The following DSE variants were observed in gnomAD, a reference collection of about 807,000 sequenced individuals.
The protein encoded by DSE is dermatan-sulfate epimerase.
DSE carries 36 observed loss-of-function variants against 84.4 expected under a neutral mutation model. That is an observed-to-expected ratio of 0.43 (90% CI 0.33 to 0.56). The LOEUF (loss-of-function observed/expected upper bound fraction) is 0.56. DSE is among the 20% of genes least tolerant of loss of function. The pLI, the probability that DSE is intolerant of heterozygous loss-of-function variation, is 0.06. For missense variants in DSE, 862 were observed against 1,169.6 expected (o/e 0.74, Z 3.84); for synonymous variants, 410 against 430.1 (o/e 0.95, Z 0.58).
At chr6:116,401,578 A>G (rs1176436864) in intron 2 of DSE, among the ~76,000 whole-genome samples, 2 of 152,134 alleles carry the variant, frequency 1.3e-5, no homozygotes, top group African/African-American at 4.8e-5. Context: ...GGCAGGTACT[A>G]TTATTAAGTT....
intron 2 of DSE, among the ~76,000 whole-genome samples, chr6:116,409,340 G>C (rs1782152449): frequency 6.6e-6 from 1 of 152,120 alleles, no homozygotes; most frequent in African/African-American, 2.4e-5. Flanking sequence ...GCAGTGGTGT[G>C]ATCTTGGCTC....
At chr6:116,261,508 A>G (rs999644000) in intron 2 of DSE, among the ~76,000 whole-genome samples, 5 of 152,148 alleles carry the variant, frequency 3.3e-5, no homozygotes, top group African/African-American at 1.2e-4. Flanking sequence ...TTAAGGGCTG[A>G]GACTATGGGG....
At chr6:116,354,610 G>A (rs1032032662) in intron 2 of DSE, among the ~76,000 whole-genome samples, 13 of 152,108 alleles carry the variant, frequency 8.5e-5, no homozygotes, top group Non-Finnish European at 1.5e-5. Flanking sequence ...CTTTTGGTGA[G>A]GTGATTTATC....
intron 2 of DSE, among the ~76,000 whole-genome samples, chr6:116,284,636 A>G (rs978552624): frequency 1.3e-5 from 2 of 149,284 alleles, no homozygotes; most frequent in Admixed American, 1.3e-4. Context: ...CACATTAGGT[A>G]TATCTCCTAA....
rs760714849 is a variant in DSE, at chr6:116,437,144, G to C, written c.2676G>C (p.Arg892Ser). The change falls in exon 6 of 6, where the codon AGG becomes AGC. Residue 892 changes from arginine to serine, a missense_variant. Physicochemically the swap from Arg to Ser is moderately radical, Grantham distance 110 (BLOSUM62 -1). Around this residue, in one of 4 missense-constraint regions of DSE, gnomAD observed 315 missense variants for 348.1 expected, o/e 0.90. Coordinates refer to ENST00000644252, the MANE Select transcript of DSE (RefSeq NM_013352.4). Reference sequence around the variant, plus strand: ...GGATGGTGACAACTACACACAGCAGGGCCCCATCACTGTCTGCTTCCTATA... The same window carrying C: ...GGATGGTGACAACTACACACAGCAGCGCCCCATCACTGTCTGCTTCCTATA... ...QARMVTTTHS[R>S]APSLSASYTR... is the part of the protein sequence containing the mutation. 6.2e-7 allele frequency: 1 copy of C among 1,614,070 alleles called. No homozygotes were observed. Among genetic ancestry groups the C allele is most frequent in the African/African-American group, 1.3e-5 (1 of 75,022 alleles).
chr6:116,342,681 A>G (rs970611865), intron 2 of DSE, among the ~76,000 whole-genome samples: 2 of 152,218 alleles, frequency 1.3e-5, no homozygotes, highest in African/African-American at 4.8e-5. Flanking sequence ...AAATATATAC[A>G]TACAGGAGAG....
chr6:116,341,642 T>G (rs180833826), intron 2 of DSE, among the ~76,000 whole-genome samples: 1 of 152,376 alleles, frequency 6.6e-6, no homozygotes, highest in East Asian at 1.9e-4. Context: ...CATTTAAGTC[T>G]TTAATCCATC....
At chr6:116,408,386 G>A (rs527889457) in intron 2 of DSE, among the ~76,000 whole-genome samples, 6 of 152,132 alleles carry the variant, frequency 3.9e-5, no homozygotes, top group East Asian at 1.9e-4. Context: ...AGCATTTTTC[G>A]GGGTTCCAAG....
At chr6:116,420,633 GGCATTT>G (rs1184421718) in intron 2 of DSE, among the ~76,000 whole-genome samples, 18 of 152,166 alleles carry the variant, frequency 1.2e-4, no homozygotes, top group African/African-American at 4.1e-4. Context: ...CCCAGTCTAT[GGCATTT>G]TGTTATGGCA....
rs1784398939 is a variant in DSE, at chr6:116,440,773, T to C, written c.*3428T>C. On this transcript the variant is annotated 3_prime_UTR_variant, in exon 6 of 6. Coordinates refer to ENST00000644252, the MANE Select transcript of DSE (RefSeq NM_013352.4). ...GACATATGGTCATCTTTGTCATAGC[T>C]TAATTCAGGAAAAAAGGAGTTAGGG... The C allele has an allele frequency of 6.6e-6, 1 of 152,156 alleles. No individual in the cohort carries two copies. The highest frequency in any genetic ancestry group is 1.9e-4 in the East Asian group (1 of 5,198). The allele number at this position is 152,156 out of a possible 1,614,324, so 9.4% of individuals were successfully genotyped here. A position where few individuals can be genotyped will look rare whatever the true frequency, so the allele number is the denominator to read the frequency against.
rs375802351 is a variant in DSE at position 116,433,437 on chromosome 6, T to A, written c.1005T>A (p.Arg335=). 1.4e-5 allele frequency: 22 copies of A among 1,552,078 alleles called. No individual in the cohort carries two copies. Among genetic ancestry groups the A allele is most frequent in the Non-Finnish European group, 1.7e-5 (20 of 1,147,266 alleles). ...QLVFLDKFVM[R]NGSGNWLADQ... ...TGTTCCTTGATAAATTTGTCATGCG[T>A]AATGGCAGTGGTAACTGGCTAGCTG... Residue 335 remains arginine (R), a synonymous_variant, in exon 5 of 6, where the codon CGT becomes CGA. Transcript: ENST00000644252.
intron 1 of DSE, among the ~76,000 whole-genome samples, chr6:116,381,443 A>T (rs914783932): frequency 6.6e-6 from 1 of 152,140 alleles, no homozygotes; most frequent in Non-Finnish European, 1.5e-5. Flanking sequence ...TAGGGAAATG[A>T]TATGAAAATG....
rs1201206969 is a variant in DSE at position 116,431,573 on chromosome 6, TC to T, written c.910+382del. On this transcript the variant is annotated intron_variant, in intron 4 of 5. Coordinates refer to ENST00000644252, the MANE Select transcript of DSE (RefSeq NM_013352.4). The stretch of plus-strand genomic sequence containing the variant: ...TCCTTTATATGTGATCCCTGATCAA[TC>T]CTATTTTAATTTTTGGTTTTCAGTT... Among the ~76,000 whole-genome samples the T allele has an allele frequency of 2.6e-5, 4 of 152,190 alleles. No individual in the cohort carries two copies. The South Asian group carries it at 6.2e-4, about 24-fold the overall frequency.
At chr6:116,339,380 AT>A (rs1777457685) in intron 2 of DSE, among the ~76,000 whole-genome samples, 1 of 151,450 alleles carries the variant, frequency 6.6e-6, no homozygotes, top group Non-Finnish European at 1.5e-5. Context: ...TTTTTTCACA[AT>A]TGGAATTTGG....
chr6:116,356,999 C>T (rs1414072984), intron 2 of DSE, among the ~76,000 whole-genome samples: 3 of 152,144 alleles, frequency 2.0e-5, no homozygotes, highest in Non-Finnish European at 4.4e-5. Flanking sequence ...TGCCTCCACA[C>T]GGAGCTATGG....
chr6:116,364,117 C>A (rs371167533), intron 2 of DSE, among the ~76,000 whole-genome samples: 1 of 152,178 alleles, frequency 6.6e-6, no homozygotes, highest in South Asian at 2.1e-4. Context: ...TTTCCTTATA[C>A]TTTTCTCACT....
intron 1 of DSE, among the ~76,000 whole-genome samples, chr6:116,377,345 A>G (rs1779988667): frequency 6.6e-6 from 1 of 152,206 alleles, no homozygotes; most frequent in South Asian, 2.1e-4. Flanking sequence ...TGGGTCTGTA[A>G]TGTTTTTATT....
intron 2 of DSE, among the ~76,000 whole-genome samples, chr6:116,343,864 A>G (rs955067694): frequency 3.3e-5 from 5 of 152,240 alleles, no homozygotes; most frequent in African/African-American, 1.2e-4. Flanking sequence ...GTTTGAACCC[A>G]TCACAAAGAA....
intron 2 of DSE, among the ~76,000 whole-genome samples, chr6:116,419,375 TA>T (rs1339888911): frequency 6.6e-6 from 1 of 152,242 alleles, no homozygotes; most frequent in African/African-American, 2.4e-5. Context: ...GTCATGTTTT[TA>T]AAAGGAGTGG....
Sources: allele counts gnomAD v4.1 joint callset (sites outside exome capture counted in the v4.1 genomes callset), GRCh38; gene constraint gnomAD v4.1.1; regional missense constraint gnomAD v4.1.1; transcripts MANE v1.5; gene names NCBI Gene and HGNC (gene_info 2026-07-23, HGNC 2026-07-21).